Variants in CCNT1 observed in about 807,000 individuals in gnomAD.
CCNT1 encodes the protein cyclin T1, also known as cyclin-T1.
In CCNT1, 18 loss-of-function variants were observed where a neutral mutation model predicts 67.3. The observed-to-expected ratio is 0.27, with a 90% CI of 0.18 to 0.40. The LOEUF is 0.40. Among genes scored for constraint, CCNT1 ranks in the 10% least tolerant of loss-of-function variants. CCNT1 has a pLI of 1.00. For synonymous variants in CCNT1, 333 were observed against 310.3 expected, an observed-to-expected ratio of 1.07 and a Z score of -0.77; for missense variants, 744 against 884.9, an observed-to-expected ratio of 0.84 and a Z score of 2.02.
rs766894237 is a variant in CCNT1 at position 48,690,463 on chromosome 12, T to C, written c.*2570A>G. 1.3e-5 allele frequency: 2 copies of C among 152,328 alleles called. No individual in the cohort carries two copies. The highest frequency in any genetic ancestry group is 2.9e-5 in the Non-Finnish European group (2 of 68,134). The allele number at this position is 152,328 out of a possible 1,614,324, so 9.4% of individuals were successfully genotyped here. On this transcript the variant is annotated 3_prime_UTR_variant, in exon 9 of 9. Transcript: ENST00000261900. Reference sequence around the variant, plus strand: ...GGAATTTGGACAATACACATGCTAGTTGACAGGCACATCTGTTAACCCAAA... The same window carrying C: ...GGAATTTGGACAATACACATGCTAGCTGACAGGCACATCTGTTAACCCAAA...
At chr12:48,699,660 A>G (rs1461904106) in intron 5 of CCNT1, 118 bp downstream of exon 5, 2 of 600,176 alleles carry the variant, frequency 3.3e-6, no homozygotes, top group East Asian at 5.6e-5. Context: ...TTTTGATTTA[A>G]GCCAAGTAGG....
At chr12:48,702,048 C>G (rs896694103) in intron 3 of CCNT1, among the ~76,000 whole-genome samples, 2 of 152,156 alleles carry the variant, frequency 1.3e-5, no homozygotes, top group African/African-American at 4.8e-5. Context: ...AGGAGCCCAC[C>G]ACCACGCCCG....
At chr12:48,711,153 G>A (rs956532590) in intron 2 of CCNT1, among the ~76,000 whole-genome samples, 4 of 151,946 alleles carry the variant, frequency 2.6e-5, no homozygotes, top group Non-Finnish European at 4.4e-5. Context: ...AGGATGAGGC[G>A]GGCAGATCAT....
intron 3 of CCNT1, 78 bp from the exon 4 acceptor site, chr12:48,701,151 AG>A: frequency 1.4e-6 from 1 of 727,828 alleles, no homozygotes. Context: ...AATCCCTTCC[AG>A]GGAAACCAAA....
Position 48,692,833 on chromosome 12 carries a change from T to A in CCNT1, c.*200A>T. On this transcript the variant is annotated 3_prime_UTR_variant, in exon 9 of 9. Coordinates refer to ENST00000261900, the MANE Select transcript of CCNT1 (RefSeq NM_001240.4). ...ACACCTCTCTAATACCAGTAAAAAC[T>A]GTAAGAAAATAGTTAAATGCATGAG... 3 of 524,552 alleles carry A rather than the reference T, an allele frequency of 5.7e-6. No homozygotes were observed. The highest frequency in any genetic ancestry group is 1.0e-5 in the Non-Finnish European group (3 of 295,422). The allele number at this position is 524,552 out of a possible 1,614,324, so 32.5% of individuals were successfully genotyped here. A position where few individuals can be genotyped will look rare whatever the true frequency, so the allele number is the denominator to read the frequency against.
intron 3 of CCNT1, among the ~76,000 whole-genome samples, chr12:48,705,043 TCTGAGAGA>T (rs1425206009): frequency 3.3e-5 from 5 of 152,138 alleles, no homozygotes; most frequent in African/African-American, 1.2e-4. Context: ...CTAGAATATA[TCTGAGAGA>T]TATTTTATTC....
chr12:48,708,756 T>A (rs1473777735), intron 2 of CCNT1, among the ~76,000 whole-genome samples: 2 of 152,166 alleles, frequency 1.3e-5, no homozygotes, highest in Non-Finnish European at 2.9e-5. Flanking sequence ...TTTTTGATAA[T>A]TTAAAAAGTA....
At chr12:48,697,522 T>TAAAAA (rs1205232506) in intron 6 of CCNT1, among the ~76,000 whole-genome samples, 4 of 116,826 alleles carry the variant, frequency 3.4e-5, no homozygotes, top group African/African-American at 1.4e-4. Flanking sequence ...GACTCTGTCT[T>TAAAAA]AAAAAAAAAA....
chr12:48,707,662 G>GTTATA (rs555095593), intron 2 of CCNT1, among the ~76,000 whole-genome samples: 2,579 of 152,064 alleles, frequency 0.017, 82 homozygotes, highest in African/African-American at 0.059. Context: ...TAACTATTAT[G>GTTATA]TACCCATGAT....
intron 2 of CCNT1, among the ~76,000 whole-genome samples, chr12:48,707,603 T>C (rs1940382208): frequency 6.6e-6 from 1 of 152,154 alleles, no homozygotes; most frequent in South Asian, 2.1e-4. Flanking sequence ...AGAGTGACAC[T>C]AAAGATTTTG....
chr12:48,688,579 T>G lies in CCNT1; in HGVS notation c.*4454A>C, dbSNP rs149727152. On this transcript the variant is annotated 3_prime_UTR_variant, in exon 9 of 9. Coordinates refer to ENST00000261900, the MANE Select transcript of CCNT1 (RefSeq NM_001240.4). Reference sequence around the variant, plus strand: ...AAATGTATACATCCTTTTTAAATTTTTTGAATTTTTTTACAAAGAGCCCTT... The same window carrying G: ...AAATGTATACATCCTTTTTAAATTTGTTGAATTTTTTTACAAAGAGCCCTT... The G allele has an allele frequency of 3.7e-4, 57 of 152,288 alleles. No individual in the cohort carries two copies. In the East Asian group the frequency reaches 0.011, roughly 28 times the overall value. 9.4% of individuals were successfully genotyped at this position (152,288 alleles called of 1,614,324 possible).
intron 3 of CCNT1, among the ~76,000 whole-genome samples, chr12:48,703,364 A>G (rs900726477): frequency 2.0e-5 from 3 of 151,960 alleles, no homozygotes; most frequent in Non-Finnish European, 2.9e-5. Context: ...ACCTCAGGTC[A>G]GGAGTTCGAG....
intron 6 of CCNT1, among the ~76,000 whole-genome samples, chr12:48,696,975 T>A (rs1461424335): frequency 6.6e-6 from 1 of 152,030 alleles, no homozygotes; most frequent in Non-Finnish European, 1.5e-5. Context: ...TGGTACTACA[T>A]GCATGTGCCA....
Position 48,696,023 on chromosome 12 carries a change from T to A in CCNT1, c.682A>T (p.Thr228Ser). Residue 228 changes from threonine to serine, a missense_variant, in exon 7 of 9, where the codon ACT becomes TCT. Physicochemically the swap from Thr to Ser is moderately conservative, Grantham distance 58. This residue lies in a region of CCNT1 where 142 missense variants were observed against 277.0 expected (regional missense o/e 0.51). Transcript: ENST00000261900. ...GKHWWEYVDA[T>S]VTLELLDELT... is the part of the protein sequence containing the mutation. ...CCATCTAAAAGTTCCAAGGTCACAG[T>A]GGCGTCAACATACTCCCACCAGTGC... 2 of 1,614,054 alleles carry A rather than the reference T, an allele frequency of 1.2e-6. No individual in the cohort carries two copies. The highest frequency in any genetic ancestry group is 1.7e-6 in the Non-Finnish European group (2 of 1,180,002).
chr12:48,693,500 G>T lies in CCNT1; in HGVS notation c.1714C>A (p.Arg572Ser). 6.2e-7 allele frequency: 1 copy of T among 1,614,124 alleles called. No homozygotes were observed. The highest frequency in any genetic ancestry group is 8.5e-7 in the Non-Finnish European group (1 of 1,180,024). ...SSSFSSSSST[R>S]KRGPSEETGG... is the part of the protein sequence containing the mutation. ...GTCTCTTCAGAGGGTCCCCTTTTAC[G>T]AGTAGAACTGGAAGAGGAAAAAGAA... Residue 572 changes from arginine to serine, a missense_variant, in exon 9 of 9, where the codon CGT (arginine) becomes AGT (serine). This residue lies in a region of CCNT1 where 564 missense variants were observed against 574.2 expected (regional missense o/e 0.98). Transcript: ENST00000261900.
At chr12:48,713,205 T>TC (rs935337421) in intron 2 of CCNT1, among the ~76,000 whole-genome samples, 6 of 151,216 alleles carry the variant, frequency 4.0e-5, no homozygotes, top group African/African-American at 1.5e-4. Flanking sequence ...TTTACCTTTT[T>TC]TTTTTTTTTT....
Position 48,690,269 on chromosome 12 carries a change from T to C in CCNT1, c.*2764A>G, listed in dbSNP as rs1165253661. 3 of 152,208 alleles carry C rather than the reference T, an allele frequency of 2.0e-5. No individual in the cohort carries two copies. The highest frequency in any genetic ancestry group is 4.4e-5 in the Non-Finnish European group (3 of 68,040). 9.4% of individuals were successfully genotyped at this position (152,208 alleles called of 1,614,324 possible). A position where few individuals can be genotyped will look rare whatever the true frequency, so the allele number is the denominator to read the frequency against. On this transcript the variant is annotated 3_prime_UTR_variant, in exon 9 of 9. Coordinates refer to ENST00000261900, the MANE Select transcript of CCNT1 (RefSeq NM_001240.4). Reference sequence around the variant, plus strand: ...GAAGCTGAGGCTCCAGGCCTACTTATCACCATCACTTATTTTTGACAGTCT... The same window carrying C: ...GAAGCTGAGGCTCCAGGCCTACTTACCACCATCACTTATTTTTGACAGTCT...
intron 5 of CCNT1, 78 bp from the exon 6 acceptor site, chr12:48,698,261 T>TA: frequency 9.5e-7 from 1 of 1,050,576 alleles, no homozygotes; most frequent in Non-Finnish European, 1.4e-6. Context: ...AAATATTTAG[T>TA]AAGCATTTAA....
At position 48,692,444 on chromosome 12, in the gene CCNT1, C is replaced by T. The variant is rs959923227; in HGVS notation, c.*589G>A. The T allele has an allele frequency of 6.6e-6, 1 of 152,260 alleles. No homozygotes were observed. The highest frequency in any genetic ancestry group is 6.5e-5 in the Admixed American group (1 of 15,286). 9.4% of individuals were successfully genotyped at this position (152,260 alleles called of 1,614,324 possible). On this transcript the variant is annotated 3_prime_UTR_variant, in exon 9 of 9. Coordinates refer to ENST00000261900, the MANE Select transcript of CCNT1 (RefSeq NM_001240.4). ...GTGGCCTGAGCCTATTTCAGAACTC[C>T]TAGCCAAAAACCTAGCCTCCCACCC...
Sources: allele counts gnomAD v4.1 joint callset (sites outside exome capture counted in the v4.1 genomes callset), GRCh38; gene constraint gnomAD v4.1.1; regional missense constraint gnomAD v4.1.1; transcripts MANE v1.5; gene names NCBI Gene and HGNC (gene_info 2026-07-23, HGNC 2026-07-21).